The following LYRM4 variants were observed in gnomAD, a reference collection of about 807,000 sequenced individuals.
LYRM4 encodes LYR motif containing 4.
A neutral mutation model predicts 11.7 loss-of-function variants in LYRM4; 9 were observed. That is an observed-to-expected ratio of 0.77 (90% CI 0.46 to 1.34). The LOEUF is 1.34. Among genes scored for constraint, LYRM4 ranks in the 40% most tolerant of loss-of-function variants. The pLI, the probability that LYRM4 is intolerant of heterozygous loss-of-function variation, is 0.00. For synonymous variants in LYRM4, 42 were observed against 40.4 expected (o/e 1.04, Z -0.15); for missense variants, 133 against 112.5 (o/e 1.18, Z -0.82).
the LYRM4 span, among the ~76,000 whole-genome samples, chr6:5,094,180 C>G: frequency 6.6e-6 from 1 of 152,208 alleles, no homozygotes; most frequent in African/African-American, 2.4e-5. Context: ...TCATTTACCT[C>G]TGTTTTAAGA....
chr6:5,111,688 T>A (rs1350990351), intron 2 of LYRM4, among the ~76,000 whole-genome samples: 1 of 152,172 alleles, frequency 6.6e-6, no homozygotes, highest in Non-Finnish European at 1.5e-5. Flanking sequence ...CCCGTGTTGA[T>A]CCACATGTTC....
chr6:5,241,590 C>A (rs1763882767), intron 1 of LYRM4, among the ~76,000 whole-genome samples: 1 of 152,146 alleles, frequency 6.6e-6, no homozygotes. Context: ...CCAGTGTATT[C>A]AGTGATCAAA....
chr6:5,235,941 G>A (rs1242981581), intron 1 of LYRM4, among the ~76,000 whole-genome samples: 1 of 152,232 alleles, frequency 6.6e-6, no homozygotes, highest in Non-Finnish European at 1.5e-5. Context: ...CCTAGAATAA[G>A]AAAGAAATGT....
At chr6:5,255,361 T>G (rs1010954223) in intron 1 of LYRM4, among the ~76,000 whole-genome samples, 2 of 152,224 alleles carry the variant, frequency 1.3e-5, no homozygotes, top group African/African-American at 4.8e-5. Context: ...TGTCTTCTAT[T>G]AAGCCAAACA....
chr6:5,086,486 C>T, the LYRM4 span: 1 of 1,537,510 alleles, frequency 6.5e-7, no homozygotes, highest in East Asian at 2.4e-5. Flanking sequence ...TACCGCTGCG[C>T]GCAGGGCGAG....
chr6:5,032,413 T>A, the LYRM4 span: 1 of 152,248 alleles, frequency 6.6e-6, no homozygotes, highest in South Asian at 2.1e-4. Flanking sequence ...TAATAACATA[T>A]TAAAATTAAA....
At chr6:5,059,067 A>G in the LYRM4 span, among the ~76,000 whole-genome samples, 1 of 152,208 alleles carries the variant, frequency 6.6e-6, no homozygotes, top group Non-Finnish European at 1.5e-5. Flanking sequence ...ATGGCCAGGC[A>G]TGGTGGCTCA....
At chr6:5,191,410 T>C (rs1760746861) in intron 2 of LYRM4, among the ~76,000 whole-genome samples, 1 of 152,102 alleles carries the variant, frequency 6.6e-6, no homozygotes, top group Admixed American at 6.5e-5. Context: ...TGAGTGGAAA[T>C]AAGAGCTACG....
downstream of LYRM4, chr6:5,102,563 A>G (rs1345610547): frequency 6.6e-6 from 1 of 152,262 alleles, no homozygotes; most frequent in African/African-American, 2.4e-5. Flanking sequence ...TCTCTGGCTG[A>G]TGGAAGAAAA....
chr6:5,054,760 A>G, the LYRM4 span, among the ~76,000 whole-genome samples: 1 of 152,192 alleles, frequency 6.6e-6, no homozygotes, highest in Non-Finnish European at 1.5e-5. Flanking sequence ...ATTGACTCAG[A>G]GACCTTAAGA....
At chr6:5,085,790 A>C in the LYRM4 span, 1 of 1,531,038 alleles carries the variant, frequency 6.5e-7, no homozygotes, top group Non-Finnish European at 8.8e-7. Context: ...CTGCAGCAGC[A>C]GCAGCAACAG....
the LYRM4 span, among the ~76,000 whole-genome samples, chr6:5,037,167 T>C: frequency 2.3e-3 from 56 of 24,888 alleles, 4 homozygotes; most frequent in African/African-American, 5.8e-3. Context: ...CCTTCCGCAG[T>C]GTTTGTGTCC....
intron 2 of LYRM4, among the ~76,000 whole-genome samples, chr6:5,142,138 C>T (rs1443927064): frequency 6.6e-6 from 1 of 152,148 alleles, no homozygotes; most frequent in Non-Finnish European, 1.5e-5. Context: ...TGTGTTCTCT[C>T]TATGTGAACC....
the LYRM4 span, among the ~76,000 whole-genome samples, chr6:5,060,352 ATT>A: frequency 6.6e-6 from 1 of 152,248 alleles, no homozygotes; most frequent in Non-Finnish European, 1.5e-5. Flanking sequence ...AAAATGTTGG[ATT>A]TTTAAGCAGG....
At chr6:5,243,512 G>A (rs1764005790) in intron 1 of LYRM4, among the ~76,000 whole-genome samples, 1 of 152,164 alleles carries the variant, frequency 6.6e-6, no homozygotes, top group Non-Finnish European at 1.5e-5. Flanking sequence ...AAGAAAAAAT[G>A]GAGGATACAA....
the LYRM4 span, among the ~76,000 whole-genome samples, chr6:5,053,253 G>A: frequency 2.6e-5 from 4 of 152,096 alleles, no homozygotes; most frequent in Non-Finnish European, 4.4e-5. Flanking sequence ...GGAAGTTCTT[G>A]TTCCTGCCAG....
rs1561851728 is a variant in LYRM4, at chr6:5,179,070, A to AAAAAC, written c.207+37547_207+37548insGTTTT. Among the ~76,000 whole-genome samples the AAAAAC allele has an allele frequency of 2.0e-4, 5 of 24,878 alleles. No homozygotes were observed. The East Asian group carries it at 0.013, about 63-fold the overall frequency. The allele number at this position is 24,878 out of a possible 152,430, so 16.3% of individuals were successfully genotyped here. A position where few individuals can be genotyped will look rare whatever the true frequency, so the allele number is the denominator to read the frequency against. On this transcript the variant is annotated intron_variant, in intron 2 of 2. Coordinates refer to ENST00000330636, the MANE Select transcript of LYRM4 (RefSeq NM_020408.6). The stretch of plus-strand genomic sequence containing the variant: ...AAACAAACAAACCAAAAAAACAAAA[A>AAAAAC]AAAAAAAAAAAAAAAAAAAGAAAGA...
At chr6:5,042,768 A>G in the LYRM4 span, 1 of 152,638 alleles carries the variant, frequency 6.6e-6, no homozygotes, top group Non-Finnish European at 1.5e-5. Context: ...ATGGACATGG[A>G]CATTTGTTGC....
intron 2 of LYRM4, chr6:5,136,587 GCA>G: frequency 1.0e-6 from 1 of 981,076 alleles, no homozygotes; most frequent in Non-Finnish European, 1.2e-6. Context: ...ACAATGCCTG[GCA>G]CACAGCTTTC....
Sources: allele counts gnomAD v4.1 joint callset (sites outside exome capture counted in the v4.1 genomes callset), GRCh38; gene constraint gnomAD v4.1.1; transcripts MANE v1.5; gene names NCBI Gene and HGNC (gene_info 2026-07-23, HGNC 2026-07-21).